The following ANO6 variants were observed in gnomAD, a reference collection of about 807,000 sequenced individuals.
ANO6 encodes anoctamin 6.
A neutral mutation model predicts 117.5 loss-of-function variants in ANO6; 106 were observed. The ratio of observed to expected loss-of-function variants is 0.90; its 90% CI spans 0.77 to 1.06. The LOEUF is 1.06. Ranked by LOEUF, ANO6 falls within the 50% of genes least tolerant of loss-of-function variation. ANO6 has a pLI of 0.00. For synonymous variants in ANO6, 367 were observed against 385.1 expected (o/e 0.95, Z 0.55); for missense variants, 955 against 1,121.1 (o/e 0.85, Z 2.12).
chr12:45,355,118 C>G (rs773545885), intron 7 of ANO6, among the ~76,000 whole-genome samples: 4 of 152,140 alleles, frequency 2.6e-5, no homozygotes, highest in Non-Finnish European at 5.9e-5. Flanking sequence ...TTTTTATAAC[C>G]AGCCTTCTAG....
chr12:45,303,770 A>T (rs898696549), intron 2 of ANO6, among the ~76,000 whole-genome samples: 26 of 152,218 alleles, frequency 1.7e-4, no homozygotes, highest in African/African-American at 5.8e-4. Flanking sequence ...CCGGGCTCAC[A>T]GAATACATTT....
At chr12:45,250,901 T>C (rs958990266) in intron 1 of ANO6, among the ~76,000 whole-genome samples, 2 of 151,932 alleles carry the variant, frequency 1.3e-5, no homozygotes, top group Non-Finnish European at 2.9e-5. Flanking sequence ...CCTGGTACTT[T>C]CTGAGTTCAT....
In ANO6 at chr12:45,432,265, TTTA is replaced by T. The variant is rs1214897574; in HGVS notation, c.*2956_*2958del. The T allele has an allele frequency of 1.1e-6, 1 of 945,754 alleles. No individual in the cohort carries two copies. Among genetic ancestry groups the T allele is most frequent in the Middle Eastern group, 5.4e-4 (1 of 1,842 alleles). The allele number at this position is 945,754 out of a possible 1,614,324, so 58.6% of individuals were successfully genotyped here. ...TAATTTCTGTGCATTTTAATATTCT[TTTA>T]TAATTATTAATGTTAATTTCTGTGC... On this transcript the variant is annotated 3_prime_UTR_variant, in exon 20 of 20. Transcript: ENST00000320560.
intron 1 of ANO6, among the ~76,000 whole-genome samples, chr12:45,264,644 G>T (rs1938155713): frequency 6.6e-6 from 1 of 152,024 alleles, no homozygotes; most frequent in Non-Finnish European, 1.5e-5. Context: ...ATGGTTAGTT[G>T]GTGAAACCTG....
intron 3 of ANO6, among the ~76,000 whole-genome samples, chr12:45,333,993 A>T (rs1166343954): frequency 6.6e-6 from 1 of 152,102 alleles, no homozygotes; most frequent in African/African-American, 2.4e-5. Context: ...TAGAAGTGAC[A>T]GGGCTACAAA....
At chr12:45,383,552 T>C (rs916812158) in intron 10 of ANO6, among the ~76,000 whole-genome samples, 3 of 148,052 alleles carry the variant, frequency 2.0e-5, no homozygotes, top group Non-Finnish European at 4.4e-5. Context: ...AATAATAAAA[T>C]GTAAAAGGAC....
chr12:45,384,063 G>C (rs778707982), intron 10 of ANO6, among the ~76,000 whole-genome samples: 3 of 152,178 alleles, frequency 2.0e-5, no homozygotes. Context: ...TGAATAACTT[G>C]CTGCCAGTTA....
At chr12:45,241,283 G>C (rs1947739276) in intron 1 of ANO6, among the ~76,000 whole-genome samples, 1 of 152,104 alleles carries the variant, frequency 6.6e-6, no homozygotes, top group African/African-American at 2.4e-5. Flanking sequence ...TTGTCTTCTT[G>C]CTTTATTTCA....
chr12:45,231,376 T>C (rs1947571543), intron 1 of ANO6, among the ~76,000 whole-genome samples: 1 of 152,190 alleles, frequency 6.6e-6, no homozygotes, highest in South Asian at 2.1e-4. Flanking sequence ...TGGGAGTGAC[T>C]CAACCTATAA....
intron 2 of ANO6, among the ~76,000 whole-genome samples, chr12:45,316,970 A>T (rs12812185): frequency 2.4e-4 from 36 of 149,762 alleles, no homozygotes; most frequent in African/African-American, 8.5e-4. Context: ...TGAGAAATTT[A>T]AAAAATATGT....
At chr12:45,435,019 C>G (rs1303321083), downstream of ANO6, among the ~76,000 whole-genome samples, 1 of 152,196 alleles carries the variant, frequency 6.6e-6, no homozygotes, top group African/African-American at 2.4e-5. Flanking sequence ...TAGAACAGAA[C>G]TTTTCCCAGA....
In ANO6 at chr12:45,386,280, T is replaced by C. The variant is rs147819796; in HGVS notation, c.1166-1881T>C. Among the ~76,000 whole-genome samples the C allele has an allele frequency of 2.6e-3, 392 of 152,268 alleles. 2 individuals are homozygous for C. Among genetic ancestry groups the C allele is most frequent in the African/African-American group, 8.9e-3 (371 of 41,566 alleles). On this transcript the variant is annotated intron_variant, in intron 10 of 19. Coordinates refer to ENST00000320560, the MANE Select transcript of ANO6 (RefSeq NM_001025356.3). ...TGCCACTTAAAACAATGAAAATCCA[T>C]CTCAATCCAGATCTTCCTCCTATGT...
chr12:45,428,362 T>C (rs1022984846), intron 19 of ANO6, among the ~76,000 whole-genome samples: 1 of 152,168 alleles, frequency 6.6e-6, no homozygotes, highest in Non-Finnish European at 1.5e-5. Flanking sequence ...CCTATAATCC[T>C]AGCGCTTTGG....
chr12:45,297,049 C>T (rs1939318697), intron 1 of ANO6, among the ~76,000 whole-genome samples: 1 of 152,100 alleles, frequency 6.6e-6, no homozygotes, highest in Admixed American at 6.6e-5. Context: ...GATAAATAAA[C>T]TTGAGAATAA....
chr12:45,328,633 T>G (rs1940556500), intron 2 of ANO6, among the ~76,000 whole-genome samples: 1 of 152,050 alleles, frequency 6.6e-6, no homozygotes, highest in South Asian at 2.1e-4. Context: ...AATCTAAATA[T>G]TTACGTAAAG....
intron 1 of ANO6, among the ~76,000 whole-genome samples, chr12:45,237,704 T>C (rs532729558): frequency 6.6e-6 from 1 of 152,346 alleles, no homozygotes; most frequent in East Asian, 1.9e-4. Flanking sequence ...CTTGGCAATG[T>C]GGGCCTTTTT....
At chr12:45,335,377 A>G (rs1940795248) in intron 3 of ANO6, among the ~76,000 whole-genome samples, 1 of 152,046 alleles carries the variant, frequency 6.6e-6, no homozygotes, top group Non-Finnish European at 1.5e-5. Context: ...AGACCAGAAC[A>G]GTTTTCCTAG....
intron 18 of ANO6, among the ~76,000 whole-genome samples, chr12:45,421,517 G>C (rs1170520325): frequency 6.6e-6 from 1 of 152,094 alleles, no homozygotes; most frequent in Non-Finnish European, 1.5e-5. Flanking sequence ...AAGACTAGGG[G>C]TAAAACTTTC....
chr12:45,411,521 T>C (rs889034586), intron 16 of ANO6, among the ~76,000 whole-genome samples: 1 of 152,228 alleles, frequency 6.6e-6, no homozygotes, highest in African/African-American at 2.4e-5. Context: ...TTTTGAATTG[T>C]TTTCATTTCC....
Sources: allele counts gnomAD v4.1 joint callset (sites outside exome capture counted in the v4.1 genomes callset), GRCh38; gene constraint gnomAD v4.1.1; transcripts MANE v1.5; gene names NCBI Gene and HGNC (gene_info 2026-07-23, HGNC 2026-07-21).